The following CLVS1 variants were observed in gnomAD, a reference collection of about 807,000 sequenced individuals.
The protein encoded by CLVS1 is clavesin-1.
CLVS1 carries 10 observed loss-of-function variants against 33.1 expected under a neutral mutation model. The observed-to-expected ratio is 0.30, with a 90% CI of 0.19 to 0.51. The LOEUF (loss-of-function observed/expected upper bound fraction) is 0.51. Ranked by LOEUF, CLVS1 falls within the 20% of genes least tolerant of loss-of-function variation. The probability of loss-of-function intolerance (pLI) is 0.97; values close to 1 mark genes in which losing one functional copy is unlikely to be tolerated. For missense variants in CLVS1, 343 were observed against 433.4 expected (o/e 0.79, Z 1.85); for synonymous variants, 163 against 166.1 (o/e 0.98, Z 0.14).
intron 1 of CLVS1, among the ~76,000 whole-genome samples, chr8:61,126,550 T>C (rs1805976499): frequency 6.6e-6 from 1 of 152,222 alleles, no homozygotes; most frequent in Admixed American, 6.5e-5. Flanking sequence ...GAACTGATAA[T>C]ATTAAAGAAG....
At chr8:61,159,307 A>C (rs1366603819) in intron 2 of CLVS1, among the ~76,000 whole-genome samples, 3 of 152,200 alleles carry the variant, frequency 2.0e-5, no homozygotes, top group African/African-American at 7.2e-5. Flanking sequence ...TTTCTACCTT[A>C]ACCTACCTCA....
rs114754582 is a variant in CLVS1 at position 61,209,393 on chromosome 8, A to C, written c.-152+77533A>C. ...CATTTTTACATTTTGCACAACTACA[A>C]AAAGAGATAAACTGAACTATGATAG... is the stretch of plus-strand genomic sequence containing the variant. On this transcript the variant is annotated intron_variant, in intron 2 of 2. Coordinates refer to the CLVS1 transcript ENST00000522621. Among the ~76,000 whole-genome samples the C allele has an allele frequency of 7.3e-3, 1,111 of 152,324 alleles. 17 individuals carry two copies. Among genetic ancestry groups the C allele is most frequent in the African/African-American group, 0.025 (1,043 of 41,568 alleles).
intron 2 of CLVS1, among the ~76,000 whole-genome samples, chr8:61,209,158 A>G (rs1735269497): frequency 6.6e-6 from 1 of 152,212 alleles, no homozygotes; most frequent in Admixed American, 6.5e-5. Context: ...ATATTTTCAA[A>G]GTAGGAAAAA....
At chr8:61,255,411 G>T (rs2931284) in intron 2 of CLVS1, among the ~76,000 whole-genome samples, 74,138 of 151,976 alleles carry the variant, frequency 0.49, 19,292 homozygotes, top group East Asian at 0.96. Flanking sequence ...TAAGAAACTT[G>T]CTAAGTGCTG....
chr8:60,976,033 A>G, the CLVS1 span, among the ~76,000 whole-genome samples: 7 of 151,766 alleles, frequency 4.6e-5, no homozygotes, highest in East Asian at 1.3e-3. Context: ...AATTTTGAAA[A>G]CTCGTTTTCT....
chr8:60,994,664 T>A, the CLVS1 span, among the ~76,000 whole-genome samples: 3 of 147,944 alleles, frequency 2.0e-5, no homozygotes, highest in Admixed American at 6.7e-5. Flanking sequence ...ATTAAAAAAA[T>A]TTATTTTGGC....
intron 1 of CLVS1, among the ~76,000 whole-genome samples, chr8:61,291,464 T>C (rs183492074): frequency 6.6e-6 from 1 of 152,324 alleles, no homozygotes; most frequent in African/African-American, 2.4e-5. Context: ...CATATATTTG[T>C]GTGTCATTTA....
At chr8:61,039,963 G>A in the CLVS1 span, among the ~76,000 whole-genome samples, 1 of 152,198 alleles carries the variant, frequency 6.6e-6, no homozygotes, top group Non-Finnish European at 1.5e-5. Context: ...CATAATATCG[G>A]ATAGGTGGTT....
intron 1 of CLVS1, among the ~76,000 whole-genome samples, chr8:61,069,648 G>T (rs1804754085): frequency 6.6e-6 from 1 of 152,038 alleles, no homozygotes; most frequent in South Asian, 2.1e-4. Flanking sequence ...TCTCAGTTCT[G>T]CTCCCAACAC....
At chr8:61,254,123 T>A (rs200223967) in intron 2 of CLVS1, among the ~76,000 whole-genome samples, 17 of 150,762 alleles carry the variant, frequency 1.1e-4, no homozygotes, top group Admixed American at 1.0e-3. Flanking sequence ...TCTGTTTGTT[T>A]GTTTTCCTTC....
intron 3 of CLVS1, among the ~76,000 whole-genome samples, chr8:61,411,532 T>G (rs984394929): frequency 2.0e-5 from 3 of 151,992 alleles, no homozygotes; most frequent in Non-Finnish European, 4.4e-5. Context: ...GGAAGAAAAC[T>G]TCAAAAACCC....
the CLVS1 span, among the ~76,000 whole-genome samples, chr8:61,032,521 G>A: frequency 6.6e-6 from 1 of 152,140 alleles, no homozygotes; most frequent in Non-Finnish European, 1.5e-5. Flanking sequence ...GCTGGCCAGG[G>A]AGCTGATGGC....
intron 1 of CLVS1, among the ~76,000 whole-genome samples, chr8:61,108,584 G>T (rs1805578092): frequency 6.6e-6 from 1 of 152,154 alleles, no homozygotes; most frequent in South Asian, 2.1e-4. Context: ...ACTTCCATGG[G>T]TAAGCCTAAG....
chr8:61,319,373 T>C (rs1811117913), intron 2 of CLVS1, among the ~76,000 whole-genome samples: 1 of 152,196 alleles, frequency 6.6e-6, no homozygotes, highest in African/African-American at 2.4e-5. Context: ...TGGTTTTGGC[T>C]CATTATTTCC....
At chr8:61,451,812 C>CAGAG (rs71257362) in intron 3 of CLVS1, among the ~76,000 whole-genome samples, 7,820 of 142,844 alleles carry the variant, frequency 0.055, 419 homozygotes, top group African/African-American at 0.15. Context: ...CACACACACA[C>CAGAG]AGAGAGAGAG....
the CLVS1 span, among the ~76,000 whole-genome samples, chr8:61,045,312 C>T: frequency 1.3e-5 from 2 of 152,150 alleles, no homozygotes; most frequent in African/African-American, 4.8e-5. Context: ...TCTTTCCTGC[C>T]CACAAGACCT....
intron 3 of CLVS1, among the ~76,000 whole-genome samples, chr8:61,390,654 A>C (rs1434075485): frequency 6.6e-6 from 1 of 152,214 alleles, no homozygotes; most frequent in African/African-American, 2.4e-5. Flanking sequence ...GAGGTGGGAC[A>C]ATTTGCCATA....
At chr8:61,380,947 C>T (rs1279828819) in intron 3 of CLVS1, among the ~76,000 whole-genome samples, 2 of 152,100 alleles carry the variant, frequency 1.3e-5, no homozygotes, top group Non-Finnish European at 2.9e-5. Context: ...AGTCTTGTGT[C>T]CTGTAGGCTA....
intron 5 of CLVS1, among the ~76,000 whole-genome samples, chr8:61,497,173 C>G (rs878953324): frequency 6.6e-6 from 1 of 152,166 alleles, no homozygotes; most frequent in Admixed American, 6.5e-5. Context: ...ATAATGTCTT[C>G]CTAACTTACT....
Sources: allele counts gnomAD v4.1 joint callset (sites outside exome capture counted in the v4.1 genomes callset), GRCh38; gene constraint gnomAD v4.1.1; transcripts MANE v1.5; gene names NCBI Gene and HGNC (gene_info 2026-07-23, HGNC 2026-07-21).